Variants in TNS2 observed in about 807,000 individuals in gnomAD.
TNS2 encodes the protein tensin 2.
Under a neutral mutation model 155.7 loss-of-function variants are expected in TNS2, and 77 were observed. The observed-to-expected ratio is 0.49, with a 90% CI of 0.41 to 0.60. The LOEUF is 0.60. Ranked by LOEUF, TNS2 falls within the 20% of genes least tolerant of loss-of-function variation. The probability of loss-of-function intolerance (pLI) is 0.00; values close to 1 mark genes in which losing one functional copy is unlikely to be tolerated. For missense variants in TNS2, 1,703 were observed against 1,868.8 expected (o/e 0.91, Z 1.64); for synonymous variants, 726 against 763.9 (o/e 0.95, Z 0.82).
chr12:53,058,656 G>A lies in TNS2; in HGVS notation c.1291+19G>A. On this transcript the variant is annotated intron_variant, in intron 16 of 28. Coordinates refer to ENST00000314250, the MANE Select transcript of TNS2 (RefSeq NM_170754.4). ...ATCAAAGGTAAGAGCAGGGACATGG[G>A]CTGGGGACTGAGGGCCGCCTCTCCC... is the stretch of plus-strand genomic sequence containing the variant. The A allele has an allele frequency of 1.2e-6, 2 of 1,614,014 alleles. No homozygotes were observed. The highest frequency in any genetic ancestry group is 1.7e-6 in the Non-Finnish European group (2 of 1,179,972).
chr12:53,051,666 CCATGCA>C (rs1943936869), intron 1 of TNS2, among the ~76,000 whole-genome samples, 183 bp from the exon 2 acceptor site: 1 of 152,218 alleles, frequency 6.6e-6, no homozygotes, highest in Admixed American at 6.5e-5. Flanking sequence ...GGGTCAGATT[CCATGCA>C]CAGTTGAGGA....
At position 53,059,960 on chromosome 12, in the gene TNS2, C is replaced by G. The variant is rs1232857334; in HGVS notation, c.2319C>G (p.Cys773Trp). 1 of 1,612,614 alleles carries G rather than the reference C, an allele frequency of 6.2e-7. No homozygotes were observed. Among genetic ancestry groups the G allele is most frequent in the Non-Finnish European group, 8.5e-7 (1 of 1,179,638 alleles). Residue 773 changes from cysteine (C) to tryptophan (W), a missense_variant, in exon 18 of 29, where the codon TGC becomes TGG. Cys to Trp is a radical substitution (Grantham distance 215). Transcript: ENST00000314250. This position sits in a 1 kb window ranked among gnomAD's most constrained non-coding sequence, Gnocchi z 4.7. ...ACGAGGGCTGCTCCTACACCATGTG[C>G]CCCGAAGGCAGGTATGGGCATCCAG... Reference protein sequence around the residue: ...EGHEGCSYTMCPEGRYGHPGY... With the variant: ...EGHEGCSYTMWPEGRYGHPGY...
chr12:53,054,396 C>T lies in TNS2; in HGVS notation c.477C>T (p.Arg159=), dbSNP rs779986312. The T allele has an allele frequency of 4.3e-6, 7 of 1,609,850 alleles. No individual in the cohort carries two copies. The Admixed American group carries it at 1.0e-4, about 24-fold the overall frequency. Residue 159 remains arginine, a synonymous_variant, in exon 7 of 29, where the codon CGC becomes CGT. Transcript: ENST00000314250. ...AACAGCGGCACCGGGGCCACCTGCG[C>T]GAGCTGGCCCATGTGCTGCAATCCA... ...PDEQRHRGHL[R]ELAHVLQSKH...
upstream of TNS2, among the ~76,000 whole-genome samples, chr12:53,047,497 G>GCGGGGCT (rs1449144046): frequency 6.7e-6 from 1 of 148,754 alleles, no homozygotes; most frequent in African/African-American, 2.4e-5. Context: ...GGCGCGGGGC[G>GCGGGGCT]CGGCCCAGGG....
chr12:53,061,707 G>A, intron 21 of TNS2, 108 bp from the exon 22 acceptor site: 5 of 1,526,472 alleles, frequency 3.3e-6, no homozygotes, highest in South Asian at 1.3e-5. Flanking sequence ...CACCACAGCT[G>A]TCAGGGCAGA....
rs1944313270 is a variant in TNS2 at position 53,059,787 on chromosome 12, G to A, written c.2146G>A (p.Gly716Arg). The A allele has an allele frequency of 6.2e-7, 1 of 1,612,410 alleles. No individual in the cohort carries two copies. Among genetic ancestry groups the A allele is most frequent in the African/African-American group, 1.3e-5 (1 of 74,910 alleles). The part of the protein sequence containing the change: ...GLRLEREAGE[G>R]WASEAGKPLL... ...GCGGCTGGAGAGGGAGGCTGGAGAA[G>A]GGTGGGCAAGTGAGGCTGGCAAGCC... is the stretch of plus-strand genomic sequence containing the variant. The change falls in exon 18 of 29, where the codon GGG becomes AGG. Residue 716 changes from glycine to arginine, a missense_variant. Gly to Arg is a moderately radical substitution (Grantham distance 125). Transcript: ENST00000314250. This position sits in a 1 kb window ranked among gnomAD's most constrained non-coding sequence, Gnocchi z 4.7.
chr12:53,063,321 G>A lies in TNS2; in HGVS notation c.3993-28G>A. ...CCCCTGGGGGCTCATGTTTCTGAGT[G>A]TGACCTTCCTCACCCTCCTCCTTGC... On this transcript the variant is annotated intron_variant, in intron 26 of 28. Transcript: ENST00000314250. The surrounding 1 kb of genome is among the most constrained non-coding windows in gnomAD (Gnocchi z 5.6). The A allele has an allele frequency of 1.2e-6, 2 of 1,613,936 alleles. No individual in the cohort carries two copies. Among genetic ancestry groups the A allele is most frequent in the Non-Finnish European group, 1.7e-6 (2 of 1,179,954 alleles).
rs1944103472 is a variant in TNS2 at position 53,055,209 on chromosome 12, G to A, written c.546G>A (p.Arg182=). ...AGCTCTTCAACCTTTCAGAGAAAAG[G>A]CATGACCTGACCCGCTTAAACCCCA... The part of the protein sequence containing the change: ...KYLLFNLSEK[R]HDLTRLNPKV... The change falls in exon 8 of 29, where the codon AGG becomes AGA. Residue 182 remains arginine, a synonymous_variant. Coordinates refer to ENST00000314250, the MANE Select transcript of TNS2 (RefSeq NM_170754.4). 2 of 1,613,830 alleles carry A rather than the reference G, an allele frequency of 1.2e-6. No individual in the cohort carries two copies. The highest frequency in any genetic ancestry group is 1.1e-5 in the South Asian group (1 of 91,072).
chr12:53,051,584 C>T (rs1359088615), intron 1 of TNS2, among the ~76,000 whole-genome samples: 2 of 152,182 alleles, frequency 1.3e-5, no homozygotes, highest in African/African-American at 4.8e-5. Flanking sequence ...ACAAGGGCAT[C>T]ACACACCAGG....
intron 3 of TNS2, chr12:53,053,061 G>T: frequency 2.7e-6 from 1 of 376,758 alleles, no homozygotes; most frequent in Non-Finnish European, 5.1e-6. Flanking sequence ...AGCTGGCTTG[G>T]GGGAGCTGTG....
chr12:53,053,144 A>G, intron 3 of TNS2: 2 of 477,820 alleles, frequency 4.2e-6, no homozygotes, highest in South Asian at 4.0e-5. Context: ...GCTTGGCTCT[A>G]TATATAACTC....
Position 53,057,695 on chromosome 12 carries a change from A to T in TNS2, c.958+16A>T. ...CCTGGCACAGGTGAGTCTGCCTGAG[A>T]TGTGCTCCCTAGGGAGAACCACCTT... On this transcript the variant is annotated intron_variant, in intron 12 of 28. Transcript: ENST00000314250. 6.2e-7 allele frequency: 1 copy of T among 1,613,728 alleles called. No homozygotes were observed. The highest frequency in any genetic ancestry group is 1.3e-5 in the African/African-American group (1 of 75,000).
At chr12:53,053,690 C>A in intron 4 of TNS2, 84 bp from the exon 5 acceptor site, 1 of 1,571,266 alleles carries the variant, frequency 6.4e-7, no homozygotes, top group Admixed American at 2.0e-5. Flanking sequence ...CACTGACATT[C>A]CCTTCCCCTG....
In TNS2 at chr12:53,059,628, A is replaced by T; in HGVS notation, c.1987A>T (p.Thr663Ser). 1.9e-6 allele frequency: 3 copies of T among 1,613,134 alleles called. No individual in the cohort carries two copies. Among genetic ancestry groups the T allele is most frequent in the South Asian group, 1.1e-5 (1 of 91,066 alleles). ...CCCACCTGAGATGGGGAAACCAGCC[A>T]CTGGGGACTTTGGCTACCGCGCCCC... The part of the protein sequence containing the change: ...PYPPEMGKPA[T>S]GDFGYRAPGY... The change falls in exon 18 of 29, where the codon ACT (threonine) becomes TCT (serine). Residue 663 changes from threonine to serine, a missense_variant. Transcript: ENST00000314250. The surrounding 1 kb of genome is among the most constrained non-coding windows in gnomAD (Gnocchi z 4.7).
At chr12:53,049,032 C>A, upstream of TNS2, 1 of 736,924 alleles carries the variant, frequency 1.4e-6, no homozygotes, top group East Asian at 2.8e-5. Context: ...GGCCATTAAC[C>A]CCTTAGCTTT....
At position 53,064,060 on chromosome 12, in the gene TNS2, T is replaced by C. The variant is rs1269534388; in HGVS notation, c.*178T>C. Reference sequence around the variant, plus strand: ...CTTCCCCGCCCCCAGCCTGCTAAGTTAAGTGGACAGGCCCACAAGATGACC... The same window carrying C: ...CTTCCCCGCCCCCAGCCTGCTAAGTCAAGTGGACAGGCCCACAAGATGACC... On this transcript the variant is annotated 3_prime_UTR_variant, in exon 29 of 29. Coordinates refer to ENST00000314250, the MANE Select transcript of TNS2 (RefSeq NM_170754.4). The C allele has an allele frequency of 2.9e-6, 2 of 679,682 alleles. No individual in the cohort carries two copies. Among genetic ancestry groups the C allele is most frequent in the African/African-American group, 1.8e-5 (1 of 55,460 alleles). 42.1% of individuals were successfully genotyped at this position (679,682 alleles called of 1,614,324 possible). A position where few individuals can be genotyped will look rare whatever the true frequency, so the allele number is the denominator to read the frequency against.
In TNS2 at chr12:53,063,769, C is replaced by T; in HGVS notation, c.4117C>T (p.Pro1373Ser). ...SKIFGFVAKK[P>S]GSPWENVCHL... ...GATCTTTGGTTTCGTGGCCAAGAAG[C>T]CGGGAAGCCCCTGGGAGAATGTGTG... The change falls in exon 29 of 29, where the codon CCG (proline) becomes TCG (serine). Residue 1373 changes from proline to serine, a missense_variant. Pro to Ser is a moderately conservative substitution (Grantham distance 74, BLOSUM62 -1). Coordinates refer to ENST00000314250, the MANE Select transcript of TNS2 (RefSeq NM_170754.4). The surrounding 1 kb of genome is among the most constrained non-coding windows in gnomAD (Gnocchi z 5.6). 2 of 1,614,164 alleles carry T rather than the reference C, an allele frequency of 1.2e-6. No homozygotes were observed. The highest frequency in any genetic ancestry group is 1.7e-6 in the Non-Finnish European group (2 of 1,180,016).
rs375345478 is a variant in TNS2 at position 53,059,324 on chromosome 12, G to A, written c.1683G>A (p.Thr561=). The part of the protein sequence containing the change: ...ASGGRGAGRE[T]AILDDEEQPT... The stretch of plus-strand genomic sequence containing the variant: ...GGGGCCGGGGAGCTGGGCGCGAGAC[G>A]GCCATCCTAGATGACGAAGAGCAGC... Residue 561 remains threonine (T), a synonymous_variant, in exon 18 of 29, where the codon ACG becomes ACA. Transcript: ENST00000314250. The surrounding 1 kb of genome is among the most constrained non-coding windows in gnomAD (Gnocchi z 4.7). 1.7e-5 allele frequency: 25 copies of A among 1,435,426 alleles called. No individual in the cohort carries two copies. Among genetic ancestry groups the A allele is most frequent in the African/African-American group, 1.5e-4 (10 of 68,008 alleles). 88.9% of individuals were successfully genotyped at this position (1,435,426 alleles called of 1,614,324 possible).
Position 53,061,848 on chromosome 12 carries a change from C to G in TNS2, c.3482C>G (p.Ala1161Gly). ...IALLKDKDPG[A>G]FLIRDSHSFQ... ...CTGCTGAAGGACAAGGACCCTGGGG[C>G]CTTCCTGATCAGGGACAGTCATTCA... is the stretch of plus-strand genomic sequence containing the variant. Residue 1161 changes from alanine to glycine, a missense_variant, in exon 22 of 29, where the codon GCC becomes GGC. Physicochemically the swap from Ala to Gly is moderately conservative, Grantham distance 60. Coordinates refer to ENST00000314250, the MANE Select transcript of TNS2 (RefSeq NM_170754.4). The G allele has an allele frequency of 6.2e-7, 1 of 1,613,798 alleles. No homozygotes were observed. The highest frequency in any genetic ancestry group is 1.1e-5 in the South Asian group (1 of 91,072).
Sources: gnomAD v4.1 joint callset for allele counts (sites outside exome capture counted in the v4.1 genomes callset) on GRCh38, gnomAD v4.1.1 for gene constraint, Gnocchi (gnomAD v3.1) non-coding constraint, MANE v1.5 for transcripts, NCBI Gene and HGNC (gene_info 2026-07-23, HGNC 2026-07-21) for gene names.